Variants in PPP2R2B observed in about 807,000 individuals in gnomAD.
PPP2R2B encodes protein phosphatase 2 regulatory subunit Bbeta, also known as serine/threonine-protein phosphatase 2A 55 kDa regulatory subunit B beta isoform.
PPP2R2B carries 5 observed loss-of-function variants against 46.0 expected under a neutral mutation model. The observed-to-expected ratio is 0.11, with a 90% CI of 0.06 to 0.23. The LOEUF (loss-of-function observed/expected upper bound fraction) is 0.23, where lower values mean the gene tolerates loss of function less well. Among genes scored for constraint, PPP2R2B ranks in the 10% least tolerant of loss-of-function variants. The pLI, the probability that PPP2R2B is intolerant of heterozygous loss-of-function variation, is 1.00. For missense variants in PPP2R2B, 367 were observed against 575.0 expected, an observed-to-expected ratio of 0.64 and a Z score of 3.70; for synonymous variants, 215 against 206.7, an observed-to-expected ratio of 1.04 and a Z score of -0.34.
intron 7 of PPP2R2B, among the ~76,000 whole-genome samples, chr5:146,615,352 TG>T (rs1773039684): frequency 1.4e-5 from 1 of 70,148 alleles, no homozygotes; most frequent in Non-Finnish European, 2.7e-5. Context: ...GGGACTGTGG[TG>T]GGGTCGGGGG....
chr5:146,932,244 C>T (rs1009401680), intron 1 of PPP2R2B, among the ~76,000 whole-genome samples: 2 of 152,086 alleles, frequency 1.3e-5, no homozygotes, highest in African/African-American at 4.8e-5. Flanking sequence ...TCAGCCTGTC[C>T]CTCAGCTTTC....
At position 146,901,380 on chromosome 5, in the gene PPP2R2B, C is replaced by T. The variant is rs114236760; in HGVS notation, c.79+154285G>A. On this transcript the variant is annotated intron_variant, in intron 1 of 8. Transcript: ENST00000336640. ...ATTAGCCAGGTGTTGTGACATGCAC[C>T]TATCATCCCAGCTACTTGGGGGACT... is the stretch of plus-strand genomic sequence containing the variant. Among the ~76,000 whole-genome samples the T allele has an allele frequency of 6.4e-3, 980 of 152,074 alleles. 11 individuals are homozygous for T. Among genetic ancestry groups the T allele is most frequent in the African/African-American group, 0.023 (936 of 41,490 alleles).
At chr5:146,985,771 GA>G (rs1433519850) in intron 1 of PPP2R2B, among the ~76,000 whole-genome samples, 1 of 152,038 alleles carries the variant, frequency 6.6e-6, no homozygotes, top group East Asian at 1.9e-4. Context: ...AGAAAAAGAA[GA>G]AGTAAAATTG....
intron 2 of PPP2R2B, among the ~76,000 whole-genome samples, chr5:146,735,494 G>A (rs780894994): frequency 7.9e-5 from 12 of 152,178 alleles, no homozygotes; most frequent in Non-Finnish European, 1.3e-4. Context: ...AATAGGAAGA[G>A]CTAATAGAAT....
chr5:147,021,283 G>A (rs1305011537), intron 1 of PPP2R2B, among the ~76,000 whole-genome samples: 1 of 152,118 alleles, frequency 6.6e-6, no homozygotes, highest in African/African-American at 2.4e-5. Context: ...GGGCACCCAA[G>A]GAAAACATGA....
At chr5:146,969,273 T>C (rs575515388) in intron 1 of PPP2R2B, among the ~76,000 whole-genome samples, 136 of 152,218 alleles carry the variant, frequency 8.9e-4, no homozygotes, top group African/African-American at 3.1e-3. Context: ...GGAAAGTGGG[T>C]TCCAGATGGA....
chr5:146,733,910 A>G (rs150349954), intron 2 of PPP2R2B, among the ~76,000 whole-genome samples: 2,851 of 152,280 alleles, frequency 0.019, 37 homozygotes, highest in Non-Finnish European at 0.029. Flanking sequence ...ATAGTAGACA[A>G]TAATAACGGC....
chr5:146,992,758 T>A (rs1753751062), intron 1 of PPP2R2B, among the ~76,000 whole-genome samples: 1 of 152,200 alleles, frequency 6.6e-6, no homozygotes, highest in Non-Finnish European at 1.5e-5. Context: ...TGTTGAGATA[T>A]TTCATTACAG....
intron 7 of PPP2R2B, among the ~76,000 whole-genome samples, chr5:146,633,128 G>A (rs1450556621): frequency 2.6e-5 from 4 of 152,098 alleles, no homozygotes; most frequent in African/African-American, 4.8e-5. Flanking sequence ...TGTCACTACC[G>A]CCAGAAGTGG....
At chr5:146,800,413 AG>A (rs1756791115) in intron 2 of PPP2R2B, among the ~76,000 whole-genome samples, 1 of 152,038 alleles carries the variant, frequency 6.6e-6, no homozygotes, top group South Asian at 2.1e-4. Flanking sequence ...TTCCTCCTCA[AG>A]ACCCTTCTTC....
At chr5:146,692,621 C>A (rs1049825154) in intron 4 of PPP2R2B, among the ~76,000 whole-genome samples, 2 of 150,560 alleles carry the variant, frequency 1.3e-5, no homozygotes, top group Non-Finnish European at 1.5e-5. Flanking sequence ...GCAAGCTCTG[C>A]CTCCTGGGTT....
At chr5:146,992,869 C>A (rs1274532500) in intron 1 of PPP2R2B, among the ~76,000 whole-genome samples, 2 of 152,196 alleles carry the variant, frequency 1.3e-5, no homozygotes. Context: ...TATGTAGGAT[C>A]AAGAAAAGCT....
chr5:146,918,833 C>T (rs1763490066), intron 1 of PPP2R2B, among the ~76,000 whole-genome samples: 1 of 152,136 alleles, frequency 6.6e-6, no homozygotes, highest in East Asian at 1.9e-4. Context: ...CCAGTTTTCC[C>T]TGTTGTTTGC....
chr5:146,641,091 T>C (rs1045387567), intron 6 of PPP2R2B, among the ~76,000 whole-genome samples: 9 of 152,232 alleles, frequency 5.9e-5, no homozygotes, highest in Non-Finnish European at 1.0e-4. Context: ...GGCCAGTTGC[T>C]AATGCTGATC....
chr5:147,058,810 C>T (rs1409890588), upstream of PPP2R2B, among the ~76,000 whole-genome samples: 1 of 152,104 alleles, frequency 6.6e-6, no homozygotes, highest in East Asian at 1.9e-4. Context: ...TCAGCAATCC[C>T]ATTTTATAGA....
chr5:146,833,467 C>G (rs1759081612), intron 2 of PPP2R2B, among the ~76,000 whole-genome samples: 1 of 152,146 alleles, frequency 6.6e-6, no homozygotes, highest in Non-Finnish European at 1.5e-5. Context: ...ATACTAAATT[C>G]CCCCAGCCTA....
intron 2 of PPP2R2B, among the ~76,000 whole-genome samples, chr5:147,065,937 A>G (rs1054797308): frequency 6.6e-6 from 1 of 152,094 alleles, no homozygotes; most frequent in Non-Finnish European, 1.5e-5. Flanking sequence ...CCTGTGAGAT[A>G]GGATGTATTA....
chr5:146,984,678 C>T (rs932795098), intron 1 of PPP2R2B, among the ~76,000 whole-genome samples: 6 of 151,952 alleles, frequency 3.9e-5, no homozygotes, highest in Non-Finnish European at 5.9e-5. Context: ...CATAAATTTA[C>T]GTTTCCACCA....
intron 2 of PPP2R2B, among the ~76,000 whole-genome samples, chr5:146,704,270 A>G (rs750406203): frequency 2.0e-5 from 3 of 152,246 alleles, no homozygotes; most frequent in Non-Finnish European, 4.4e-5. Flanking sequence ...GGCAGTTTAA[A>G]CTGGAAAATA....
Sources: gnomAD v4.1 joint callset for allele counts (sites outside exome capture counted in the v4.1 genomes callset) on GRCh38, gnomAD v4.1.1 for gene constraint, MANE v1.5 for transcripts, NCBI Gene and HGNC (gene_info 2026-07-23, HGNC 2026-07-21) for gene names.